LRCH3: variants seen among roughly 807,000 people sequenced by gnomAD.
LRCH3 encodes leucine rich repeats and calponin homology domain containing 3.
In LRCH3, 68 loss-of-function variants were observed where a neutral mutation model predicts 104.5. The observed-to-expected ratio is 0.65, with a 90% CI of 0.54 to 0.80. LRCH3 has a LOEUF of 0.80. Ranked by LOEUF, LRCH3 falls within the 30% of genes least tolerant of loss-of-function variation. The probability of loss-of-function intolerance (pLI) is 0.00; values close to 1 mark genes in which losing one functional copy is unlikely to be tolerated. For missense variants in LRCH3, 951 were observed against 953.9 expected (o/e 1.00, Z 0.04); for synonymous variants, 344 against 361.3 (o/e 0.95, Z 0.54).
chr3:197,865,541 T>C, intron 16 of LRCH3, 70 bp downstream of exon 16: 1 of 1,031,088 alleles, frequency 9.7e-7, no homozygotes. Flanking sequence ...TAAAAAATAA[T>C]AATAAATAGA....
intron 19 of LRCH3, among the ~76,000 whole-genome samples, chr3:197,873,104 A>T (rs1712425401): frequency 6.6e-6 from 1 of 152,114 alleles, no homozygotes. Flanking sequence ...CAGTTTCAGG[A>T]TGGCAGTCCA....
In LRCH3 at chr3:197,835,521, CTT is replaced by C. The variant is rs1442906058; in HGVS notation, c.1103-152_1103-151del. Among the ~76,000 whole-genome samples, 18 of 141,480 alleles carry C rather than the reference CTT, an allele frequency of 1.3e-4. No homozygotes were observed. In the East Asian group the frequency reaches 2.1e-3, roughly 17 times the overall value. The allele number at this position is 141,480 out of a possible 152,430, so 92.8% of individuals were successfully genotyped here. On this transcript the variant is annotated intron_variant, in intron 8 of 20. Transcript: ENST00000425562. The stretch of plus-strand genomic sequence containing the variant: ...GTAAAAAAAAAAAAAAAAAAAAAGA[CTT>C]AAGTAATTTAAAGTTTTTATCATCC...
At chr3:197,866,479 A>G (rs1334203543) in intron 17 of LRCH3, among the ~76,000 whole-genome samples, 1 of 152,228 alleles carries the variant, frequency 6.6e-6, no homozygotes, top group Non-Finnish European at 1.5e-5. Context: ...GAGGCTTTAG[A>G]GAATGTTCTT....
At position 197,839,398 on chromosome 3, in the gene LRCH3, G is replaced by C; in HGVS notation, c.1328+1G>C. 1 of 1,561,416 alleles carries C rather than the reference G, an allele frequency of 6.4e-7. No individual in the cohort carries two copies. Among genetic ancestry groups the C allele is most frequent in the Non-Finnish European group, 8.7e-7 (1 of 1,153,092 alleles). On this transcript the variant is annotated splice_donor_variant, in intron 10 of 20. Coordinates refer to ENST00000425562, the MANE Select transcript of LRCH3 (RefSeq NM_001365715.1). LOFTEE classifies it high-confidence loss of function. Reference sequence around the variant, plus strand: ...TGAGAAGATATTTACATCAAAACAGGTTTGAAAAACCAATTCTACTTAATT... The same window carrying C: ...TGAGAAGATATTTACATCAAAACAGCTTTGAAAAACCAATTCTACTTAATT...
chr3:197,882,263 G>A lies in LRCH3; in HGVS notation c.2209-1278G>A, dbSNP rs925219104. ...AGGGAATCAGCCTTGGAGAAAGCAC[G>A]TCTCTTCCGACAGCAAAACACTGGG... On this transcript the variant is annotated intron_variant, in intron 20 of 20. Coordinates refer to ENST00000425562, the MANE Select transcript of LRCH3 (RefSeq NM_001365715.1). 3.3e-5 allele frequency: 33 copies of A among 985,390 alleles called. No individual in the cohort carries two copies. The African/African-American group carries it at 4.5e-4, about 14-fold the overall frequency. The allele number at this position is 985,390 out of a possible 1,614,324, so 61.0% of individuals were successfully genotyped here.
At chr3:197,828,444 C>G (rs181169934) in intron 5 of LRCH3, among the ~76,000 whole-genome samples, 1,883 of 151,882 alleles carry the variant, frequency 0.012, 21 homozygotes, top group Non-Finnish European at 0.019. Flanking sequence ...CTCCCGGGTT[C>G]ACACTATTCT....
intron 16 of LRCH3, among the ~76,000 whole-genome samples, chr3:197,865,831 G>A (rs1741419664): frequency 6.7e-6 from 1 of 149,386 alleles, no homozygotes; most frequent in Non-Finnish European, 1.5e-5. Context: ...CATTTGATAT[G>A]AATAAGTGAA....
At position 197,826,899 on chromosome 3, in the gene LRCH3, T is replaced by A. The variant is rs571932314; in HGVS notation, c.662T>A (p.Ile221Lys). 2.8e-5 allele frequency: 46 copies of A among 1,614,190 alleles called. No homozygotes were observed. The South Asian group carries it at 4.3e-4, about 15-fold the overall frequency. The change falls in exon 5 of 21, where the codon ATA (isoleucine) becomes AAA (lysine). Residue 221 changes from isoleucine to lysine, a missense_variant. Transcript: ENST00000425562. ...GCAGAGCTGGCGGAGTTGCCTTTGATACGGTTAGACTTCTCATGCAATAAA... is the reference window on the plus strand; with the variant it reads ...GCAGAGCTGGCGGAGTTGCCTTTGAAACGGTTAGACTTCTCATGCAATAAA... ...LPEELAELPL[I>K]RLDFSCNKIT...
intron 1 of LRCH3, among the ~76,000 whole-genome samples, chr3:197,806,592 A>G (rs1172156478): frequency 6.6e-6 from 1 of 151,942 alleles, no homozygotes; most frequent in East Asian, 2.0e-4. Context: ...AAAAGGGCAT[A>G]GGAATGCCGG....
Position 197,829,638 on chromosome 3 carries a change from G to A in LRCH3, c.852G>A (p.Pro284=), listed in dbSNP as rs571474826. 1.9e-5 allele frequency: 31 copies of A among 1,613,126 alleles called. No individual in the cohort carries two copies. Among genetic ancestry groups the A allele is most frequent in the African/African-American group, 9.3e-5 (7 of 74,992 alleles). The stretch of plus-strand genomic sequence containing the variant: ...CTTGTAAGATTGCTCCAGATCTGCC[G>A]GATTATGATAGGAGACCGTTGGGTT... ...IQACKIAPDL[P]DYDRRPLGFG... The change falls in exon 6 of 21, where the codon CCG becomes CCA. Residue 284 remains proline, a synonymous_variant. Transcript: ENST00000425562.
At chr3:197,850,549 T>C in intron 12 of LRCH3, 1 of 1,588,708 alleles carries the variant, frequency 6.3e-7, no homozygotes, top group Middle Eastern at 2.3e-4. Flanking sequence ...TATGGGTTAA[T>C]CCGACCATGA....
At chr3:197,825,720 C>T (rs570218400) in intron 4 of LRCH3, among the ~76,000 whole-genome samples, 3 of 151,932 alleles carry the variant, frequency 2.0e-5, no homozygotes, top group South Asian at 2.1e-4. Flanking sequence ...ACCTCGTGAT[C>T]CGCCTGCCTC....
intron 5 of LRCH3, among the ~76,000 whole-genome samples, chr3:197,827,216 C>T (rs1394180900): frequency 6.6e-6 from 1 of 151,862 alleles, no homozygotes; most frequent in Non-Finnish European, 1.5e-5. Flanking sequence ...ATGGTGGAAG[C>T]ATCAGGTAAA....
intron 7 of LRCH3, 162 bp downstream of exon 7, chr3:197,831,025 C>G (rs778706098): frequency 1.4e-5 from 8 of 568,772 alleles, no homozygotes; most frequent in Non-Finnish European, 2.5e-5. Flanking sequence ...AATTGGCATT[C>G]TGCGTCCTTA....
At chr3:197,882,258 A>G in intron 20 of LRCH3, 1 of 985,410 alleles carries the variant, frequency 1.0e-6, no homozygotes, top group Non-Finnish European at 1.2e-6. Context: ...CCTTGGAGAA[A>G]GCACGTCTCT....
chr3:197,870,359 A>C (rs888393437), intron 18 of LRCH3, 81 bp downstream of exon 18: 1 of 1,337,314 alleles, frequency 7.5e-7, no homozygotes, highest in Non-Finnish European at 1.0e-6. Context: ...TTCATTTGAC[A>C]CATCATTTTT....
intron 1 of LRCH3, among the ~76,000 whole-genome samples, chr3:197,793,249 C>T (rs1730833793): frequency 6.6e-6 from 1 of 152,160 alleles, no homozygotes; most frequent in Admixed American, 6.5e-5. Flanking sequence ...GAAACTTTTG[C>T]TGTAGTTTAA....
Position 197,791,449 on chromosome 3 carries a change from G to T in LRCH3, c.171G>T (p.Ala57=), listed in dbSNP as rs1730484361. Residue 57 remains alanine, a synonymous_variant, in exon 1 of 21, where the codon GCG becomes GCT. Transcript: ENST00000425562. ...TCGATCGAGCCCTGGAGGAGGCGGC[G>T]GTCACTGGGGTGCTGAGCCTGAGCG... is the stretch of plus-strand genomic sequence containing the variant. The part of the protein sequence containing the change: ...RSLDRALEEA[A]VTGVLSLSGR... 30 of 1,598,094 alleles carry T rather than the reference G, an allele frequency of 1.9e-5. No homozygotes were observed. The highest frequency in any genetic ancestry group is 2.6e-5 in the Non-Finnish European group (30 of 1,173,694).
At chr3:197,804,239 G>A (rs564937151) in intron 1 of LRCH3, among the ~76,000 whole-genome samples, 1 of 152,070 alleles carries the variant, frequency 6.6e-6, no homozygotes, top group Admixed American at 6.5e-5. Flanking sequence ...GTGGGCGACA[G>A]CGTAAGACCC....
Sources: gnomAD v4.1 joint callset for allele counts (sites outside exome capture counted in the v4.1 genomes callset) on GRCh38, gnomAD v4.1.1 for gene constraint, MANE v1.5 for transcripts, NCBI Gene and HGNC (gene_info 2026-07-23, HGNC 2026-07-21) for gene names.